Variants in RAB8B observed in about 807,000 individuals in gnomAD.
The protein encoded by RAB8B is RAB8B, member RAS oncogene family, also known as ras-related protein Rab-8B.
A neutral mutation model predicts 32.0 loss-of-function variants in RAB8B; 11 were observed. That is an observed-to-expected ratio of 0.34 (90% CI 0.22 to 0.57). The LOEUF (loss-of-function observed/expected upper bound fraction) is 0.57. Ranked by LOEUF, RAB8B falls within the 20% of genes least tolerant of loss-of-function variation. RAB8B has a pLI of 0.86. For missense variants in RAB8B, 190 were observed against 258.5 expected, an observed-to-expected ratio of 0.73 and a Z score of 1.82; for synonymous variants, 103 against 89.6, an observed-to-expected ratio of 1.15 and a Z score of -0.85.
chr15:63,223,851 G>A (rs187588938), intron 1 of RAB8B: 151 of 429,988 alleles, frequency 3.5e-4, no homozygotes, highest in Admixed American at 1.1e-3. Context: ...TCTATAGTGC[G>A]GCCTCACATA....
chr15:63,242,651 C>T (rs34256929), intron 1 of RAB8B, among the ~76,000 whole-genome samples: 12,887 of 152,164 alleles, frequency 0.085, 592 homozygotes, highest in Middle Eastern at 0.14. Flanking sequence ...GCACTCCAGC[C>T]TGGTGACAGA....
intron 2 of RAB8B, among the ~76,000 whole-genome samples, chr15:63,246,207 T>C (rs1024586952): frequency 4.6e-5 from 7 of 152,256 alleles, no homozygotes; most frequent in African/African-American, 1.7e-4. Context: ...GTTGTATGTC[T>C]ACATTTTGAC....
chr15:63,210,814 T>C (rs1414811594), intron 1 of RAB8B, among the ~76,000 whole-genome samples: 5 of 152,204 alleles, frequency 3.3e-5, no homozygotes, highest in Non-Finnish European at 7.3e-5. Flanking sequence ...CTGGTTTTTA[T>C]TGAGTGGCTG....
At chr15:63,219,461 T>C (rs995314443) in intron 1 of RAB8B, among the ~76,000 whole-genome samples, 1 of 151,868 alleles carries the variant, frequency 6.6e-6, no homozygotes, top group Non-Finnish European at 1.5e-5. Context: ...TTTTTTTTTT[T>C]TTTAAATGGA....
At chr15:63,209,916 A>G (rs2037733864) in intron 1 of RAB8B, among the ~76,000 whole-genome samples, 1 of 151,588 alleles carries the variant, frequency 6.6e-6, no homozygotes, top group South Asian at 2.1e-4. Context: ...CCACTCCCCA[A>G]CAGGCCCCGG....
At chr15:63,213,314 G>T (rs148916103) in intron 1 of RAB8B, among the ~76,000 whole-genome samples, 40 of 151,388 alleles carry the variant, frequency 2.6e-4, no homozygotes, top group African/African-American at 9.6e-4. Context: ...GGGGACGTGG[G>T]GCAAAGCAGA....
chr15:63,235,651 A>G (rs987137360), intron 1 of RAB8B, among the ~76,000 whole-genome samples: 2 of 150,144 alleles, frequency 1.3e-5, no homozygotes, highest in African/African-American at 2.4e-5. Flanking sequence ...GTAATTATAC[A>G]TGGATATATA....
At chr15:63,219,061 G>C (rs1567012609) in intron 1 of RAB8B, among the ~76,000 whole-genome samples, 2 of 138,156 alleles carry the variant, frequency 1.4e-5, no homozygotes, top group South Asian at 4.6e-4. Flanking sequence ...CAGGTGCCGG[G>C]AGACTGAGGT....
Position 63,249,703 on chromosome 15 carries a change from A to G in RAB8B, c.244A>G (p.Met82Val), listed in dbSNP as rs202212117. ...TITTAYYRGA[M>V]GIMLVYDITN... The stretch of plus-strand genomic sequence containing the variant: ...CACGACAGCGTACTACAGAGGAGCC[A>G]TGGTGAGTGTGTTGTAGGGTTTTGT... Residue 82 changes from methionine to valine, a missense_variant and splice_region_variant, in exon 3 of 8, where the codon ATG (methionine) becomes GTG (valine). Around this residue, in one of 2 missense-constraint regions of RAB8B, gnomAD observed 80 missense variants for 142.6 expected, o/e 0.56. Coordinates refer to ENST00000321437, the MANE Select transcript of RAB8B (RefSeq NM_016530.3). 6.2e-7 allele frequency: 1 copy of G among 1,613,526 alleles called. No individual in the cohort carries two copies. Among genetic ancestry groups the G allele is most frequent in the Non-Finnish European group, 8.5e-7 (1 of 1,179,666 alleles).
chr15:63,257,916 G>A (rs888775549), intron 5 of RAB8B, among the ~76,000 whole-genome samples: 5 of 151,254 alleles, frequency 3.3e-5, no homozygotes, highest in East Asian at 2.0e-4. Flanking sequence ...AAAATTAGCC[G>A]GGCATGGTGG....
chr15:63,209,133 T>C (rs374463011), intron 1 of RAB8B, among the ~76,000 whole-genome samples: 6 of 152,130 alleles, frequency 3.9e-5, no homozygotes, highest in East Asian at 1.9e-4. Flanking sequence ...TCACGCAATC[T>C]ACCTGCCTCG....
chr15:63,219,295 CAA>C (rs552403928), intron 1 of RAB8B, among the ~76,000 whole-genome samples: 51 of 88,694 alleles, frequency 5.8e-4, no homozygotes, highest in Admixed American at 8.6e-4. Context: ...AGACTCCCAT[CAA>C]AAAAAAAAAA....
chr15:63,252,718 C>T (rs984988866), intron 3 of RAB8B, among the ~76,000 whole-genome samples: 1 of 150,440 alleles, frequency 6.6e-6, no homozygotes, highest in Non-Finnish European at 1.5e-5. Context: ...TCATTTTGAC[C>T]ATTTTAAAAT....
chr15:63,219,004 ATT>A (rs71131152), intron 1 of RAB8B, among the ~76,000 whole-genome samples: 1,512 of 94,342 alleles, frequency 0.016, 36 homozygotes, highest in African/African-American at 0.061. Flanking sequence ...CCAGCAGTGG[ATT>A]TTTTTTTTTT....
intron 1 of RAB8B, among the ~76,000 whole-genome samples, chr15:63,196,565 C>T (rs192079786): frequency 1.5e-4 from 23 of 152,258 alleles, no homozygotes; most frequent in African/African-American, 5.3e-4. Flanking sequence ...AAGTCATATT[C>T]GCCTTTTAAA....
chr15:63,215,081 C>G (rs2046845518), intron 1 of RAB8B, among the ~76,000 whole-genome samples: 1 of 152,160 alleles, frequency 6.6e-6, no homozygotes, highest in South Asian at 2.1e-4. Flanking sequence ...TTGTCAATAA[C>G]TACCAACAGG....
chr15:63,244,630 C>G, intron 1 of RAB8B, 126 bp from the exon 2 acceptor site: 1 of 713,364 alleles, frequency 1.4e-6, no homozygotes, highest in East Asian at 2.8e-5. Context: ...ACCATTCACA[C>G]CCTCTCTGTG....
At chr15:63,221,808 A>G (rs189137805) in intron 1 of RAB8B, among the ~76,000 whole-genome samples, 86 of 152,344 alleles carry the variant, frequency 5.6e-4, no homozygotes, top group Non-Finnish European at 1.1e-3. Flanking sequence ...AATTATTGCT[A>G]TGATTTCACT....
At chr15:63,246,792 A>G (rs923436218) in intron 2 of RAB8B, among the ~76,000 whole-genome samples, 3 of 152,188 alleles carry the variant, frequency 2.0e-5, no homozygotes, top group African/African-American at 7.2e-5. Context: ...CAGCCCGCTT[A>G]TCACTTGGTT....
Sources: gnomAD v4.1 joint callset for allele counts (sites outside exome capture counted in the v4.1 genomes callset) on GRCh38, gnomAD v4.1.1 for gene constraint, gnomAD v4.1.1 regional missense constraint, MANE v1.5 for transcripts, NCBI Gene and HGNC (gene_info 2026-07-23, HGNC 2026-07-21) for gene names.